GFRA1: variants seen among roughly 807,000 people sequenced by gnomAD.
GFRA1 encodes GDNF family receptor alpha-1.
GFRA1 carries 16 observed loss-of-function variants against 51.6 expected under a neutral mutation model. That is an observed-to-expected ratio of 0.31 (90% CI 0.21 to 0.47). GFRA1 has a LOEUF of 0.47. Among genes scored for constraint, GFRA1 ranks in the 20% least tolerant of loss-of-function variants. GFRA1 has a pLI of 1.00. For synonymous variants in GFRA1, 270 were observed against 241.3 expected (o/e 1.12, Z -1.10); for missense variants, 530 against 594.3 (o/e 0.89, Z 1.13).
chr10:116,102,111 C>T (rs919685022), intron 6 of GFRA1, among the ~76,000 whole-genome samples: 3 of 152,194 alleles, frequency 2.0e-5, no homozygotes, highest in Non-Finnish European at 4.4e-5. Context: ...GAGATTAAGC[C>T]TTGCTCAGAG....
At chr10:116,143,763 C>G (rs902107757) in intron 5 of GFRA1, among the ~76,000 whole-genome samples, 11 of 152,000 alleles carry the variant, frequency 7.2e-5, no homozygotes, top group Non-Finnish European at 1.2e-4. Context: ...ATACAGAGAA[C>G]TAAGAAATTT....
chr10:116,149,611 A>G (rs1958981714), intron 5 of GFRA1, among the ~76,000 whole-genome samples: 1 of 152,206 alleles, frequency 6.6e-6, no homozygotes, highest in African/African-American at 2.4e-5. Context: ...AGCATTTTGA[A>G]TAAGTTCAGG....
chr10:116,202,523 C>T (rs907270205), intron 5 of GFRA1, among the ~76,000 whole-genome samples: 12 of 152,054 alleles, frequency 7.9e-5, no homozygotes, highest in African/African-American at 2.9e-4. Context: ...AAAGAACTAA[C>T]CGAGACTGGG....
chr10:116,121,525 G>C (rs1012612694), intron 6 of GFRA1, among the ~76,000 whole-genome samples: 1 of 152,186 alleles, frequency 6.6e-6, no homozygotes, highest in Non-Finnish European at 1.5e-5. Flanking sequence ...GGCATGAGGC[G>C]GAAGAGAGAC....
At chr10:116,133,388 T>C (rs908746726) in intron 5 of GFRA1, among the ~76,000 whole-genome samples, 1 of 152,074 alleles carries the variant, frequency 6.6e-6, no homozygotes, top group African/African-American at 2.4e-5. Flanking sequence ...AGGTATAACA[T>C]TCATGGCAAC....
intron 4 of GFRA1, among the ~76,000 whole-genome samples, chr10:116,236,762 C>T (rs757832193): frequency 6.6e-6 from 1 of 152,224 alleles, no homozygotes; most frequent in African/African-American, 2.4e-5. Flanking sequence ...GGTACAACCT[C>T]ATCTGGGCTC....
At chr10:116,104,750 T>C (rs751415694) in intron 6 of GFRA1, among the ~76,000 whole-genome samples, 4 of 152,196 alleles carry the variant, frequency 2.6e-5, no homozygotes, top group Admixed American at 6.5e-5. Flanking sequence ...TCAGTCAACA[T>C]TGACAGAGCA....
intron 4 of GFRA1, among the ~76,000 whole-genome samples, chr10:116,253,614 GAAA>G (rs78090181): frequency 6.7e-6 from 1 of 148,912 alleles, no homozygotes; most frequent in Non-Finnish European, 1.5e-5. Flanking sequence ...TCTCACAAGA[GAAA>G]AAAAAAATAA....
chr10:116,072,072 CTT>C (rs572390494), intron 9 of GFRA1, among the ~76,000 whole-genome samples: 2 of 142,500 alleles, frequency 1.4e-5, no homozygotes, highest in South Asian at 2.2e-4. Flanking sequence ...AATCCAAAGG[CTT>C]TTTTTTTTTT....
Position 116,093,753 on chromosome 10 carries a change from G to A in GFRA1, c.964C>T (p.Leu322=). The A allele has an allele frequency of 1.2e-6, 2 of 1,613,642 alleles. No homozygotes were observed. Among genetic ancestry groups the A allele is most frequent in the South Asian group, 2.2e-5 (2 of 91,046 alleles). The change falls in exon 8 of 11, where the codon CTA becomes TTA. Residue 322 remains leucine, a synonymous_variant. Coordinates refer to ENST00000355422, the MANE Select transcript of GFRA1 (RefSeq NM_005264.8). Reference sequence around the variant, plus strand: ...TTCAAAAATTTCAAGCACTCTTCTAGGTCGTTCCCACTGTTGCTGCAGTCA... The same window carrying A: ...TTCAAAAATTTCAAGCACTCTTCTAAGTCGTTCCCACTGTTGCTGCAGTCA... ...WCDCSNSGND[L]EECLKFLNFF...
At chr10:116,074,705 G>A (rs1955541857) in intron 9 of GFRA1, among the ~76,000 whole-genome samples, 1 of 152,196 alleles carries the variant, frequency 6.6e-6, no homozygotes, top group South Asian at 2.1e-4. Context: ...TCTCCAGAGA[G>A]TCTCATTTTC....
intron 4 of GFRA1, among the ~76,000 whole-genome samples, chr10:116,254,319 C>CAAAA (rs67848241): frequency 3.7e-5 from 4 of 106,772 alleles, no homozygotes; most frequent in Admixed American, 1.1e-4. Context: ...GAGCCTCTGT[C>CAAAA]AAAAAAAAAA....
rs146909134 is a variant in GFRA1, at chr10:116,193,729, G to A, written c.433+17902C>T. 7.2e-5 allele frequency among the ~76,000 whole-genome samples: 11 copies of A among 152,246 alleles called. No individual in the cohort carries two copies. In the East Asian group the frequency reaches 2.1e-3, roughly 29 times the overall value. Reference sequence around the variant, plus strand: ...TCCCCAGATTACCTGTGCCAGCCCTGGACCTGAGCCAAGGAGAGTTAACCT... The same window carrying A: ...TCCCCAGATTACCTGTGCCAGCCCTAGACCTGAGCCAAGGAGAGTTAACCT... On this transcript the variant is annotated intron_variant, in intron 5 of 10. Coordinates refer to ENST00000355422, the MANE Select transcript of GFRA1 (RefSeq NM_005264.8).
rs1403809567 is a variant in GFRA1, at chr10:116,269,525, G to T, written c.396C>A (p.Phe132Leu). 1.9e-6 allele frequency: 3 copies of T among 1,602,486 alleles called. No homozygotes were observed. The Admixed American group carries it at 5.0e-5, about 27-fold the overall frequency. Residue 132 changes from phenylalanine to leucine, a missense_variant, in exon 4 of 11, where the codon TTC becomes TTA. Transcript: ENST00000355422. ...TACCTGATATGAATGGGACCACCCGGAATATATCTGACAATCTGCTGTTAA... is the reference window on the plus strand; with the variant it reads ...TACCTGATATGAATGGGACCACCCGTAATATATCTGACAATCTGCTGTTAA... ...EPVNSRLSDI[F>L]RVVPFISDVF...
At chr10:116,183,123 C>A (rs1173738351) in intron 5 of GFRA1, among the ~76,000 whole-genome samples, 2 of 152,204 alleles carry the variant, frequency 1.3e-5, no homozygotes, top group Non-Finnish European at 2.9e-5. Flanking sequence ...TCAGAGGGAA[C>A]AAGTACAGCA....
chr10:116,090,278 C>T (rs934152449), intron 8 of GFRA1, among the ~76,000 whole-genome samples: 3 of 152,058 alleles, frequency 2.0e-5, no homozygotes, highest in Non-Finnish European at 4.4e-5. Flanking sequence ...GGGATCATAA[C>T]TGTCCCATTT....
chr10:116,210,918 C>A (rs2134441332), intron 5 of GFRA1, among the ~76,000 whole-genome samples: 1 of 152,300 alleles, frequency 6.6e-6, no homozygotes, highest in African/African-American at 2.4e-5. Context: ...GCCAATTCCC[C>A]CTTGACGTAT....
chr10:116,097,305 C>T (rs545783892), intron 6 of GFRA1, among the ~76,000 whole-genome samples: 125 of 152,232 alleles, frequency 8.2e-4, no homozygotes, highest in African/African-American at 2.9e-3. Flanking sequence ...TGATTTATTC[C>T]AGCCGAGTGG....
chr10:116,164,757 T>C (rs1467639113), intron 5 of GFRA1, among the ~76,000 whole-genome samples: 1 of 152,184 alleles, frequency 6.6e-6, no homozygotes, highest in Admixed American at 6.5e-5. Flanking sequence ...TCCTTCACTT[T>C]AGCAGCAATC....
Sources: gnomAD v4.1 joint callset for allele counts (sites outside exome capture counted in the v4.1 genomes callset) on GRCh38, gnomAD v4.1.1 for gene constraint, MANE v1.5 for transcripts, NCBI Gene and HGNC (gene_info 2026-07-23, HGNC 2026-07-21) for gene names.